Variants in NBN observed in about 807,000 individuals in gnomAD.
NBN encodes nibrin.
NBN carries 88 observed loss-of-function variants against 90.8 expected under a neutral mutation model. The ratio of observed to expected loss-of-function variants is 0.97; its 90% confidence interval spans 0.82 to 1.16. The LOEUF (loss-of-function observed/expected upper bound fraction) is 1.16. Among genes scored for constraint, NBN ranks in the 50% most tolerant of loss-of-function variants. The pLI is 0.00. For synonymous variants in NBN, 328 were observed against 295.1 expected (o/e 1.11, Z -1.14); for missense variants, 894 against 869.6 (o/e 1.03, Z -0.35).
intron 9 of NBN, among the ~76,000 whole-genome samples, chr8:89,956,927 T>C (rs1483714991): frequency 6.6e-6 from 1 of 152,206 alleles, no homozygotes; most frequent in African/African-American, 2.4e-5. Context: ...CTATTAAGTG[T>C]CTATGGTGAT....
At chr8:89,951,145 T>C (rs1810428441) in intron 11 of NBN, among the ~76,000 whole-genome samples, 1 of 151,936 alleles carries the variant, frequency 6.6e-6, no homozygotes, top group Non-Finnish European at 1.5e-5. Flanking sequence ...ACCCCATCTC[T>C]ACTATAAGTA....
At chr8:89,980,622 A>T in intron 4 of NBN, 112 bp downstream of exon 4, 1 of 876,950 alleles carries the variant, frequency 1.1e-6, no homozygotes, top group Non-Finnish European at 1.8e-6. Context: ...ATATAAATCT[A>T]CAACTAACAG....
chr8:89,954,208 C>T (rs1453478797), intron 10 of NBN, among the ~76,000 whole-genome samples: 2 of 152,144 alleles, frequency 1.3e-5, no homozygotes, highest in Non-Finnish European at 2.9e-5. Flanking sequence ...CTGTATCATT[C>T]ATTCAATAAA....
intron 8 of NBN, among the ~76,000 whole-genome samples, chr8:89,962,316 T>C (rs1811027471): frequency 6.6e-6 from 1 of 152,188 alleles, no homozygotes; most frequent in Non-Finnish European, 1.5e-5. Context: ...CCCAAATGGG[T>C]GCTGAGACAA....
intron 5 of NBN, among the ~76,000 whole-genome samples, chr8:89,972,418 GGCAGGACAGAAT>G (rs1811559807): frequency 6.6e-6 from 1 of 152,338 alleles, no homozygotes; most frequent in South Asian, 2.1e-4. Context: ...AGACTCACTT[GGCAGGACAGAAT>G]GCAGGCAACT....
chr8:89,938,047 T>G (rs1002052163), intron 14 of NBN, among the ~76,000 whole-genome samples: 1 of 152,194 alleles, frequency 6.6e-6, no homozygotes, highest in African/African-American at 2.4e-5. Flanking sequence ...TAGCAAAGGC[T>G]TCCTGATCCC....
rs1192241829 is a variant in NBN, at chr8:89,934,955, C to CT, written c.*626dup. The CT allele has an allele frequency of 1.7e-5, 4 of 232,694 alleles. No individual in the cohort carries two copies. Among genetic ancestry groups the CT allele is most frequent in the African/African-American group, 8.8e-5 (4 of 45,310 alleles). The allele number at this position is 232,694 out of a possible 1,614,324, so 14.4% of individuals were successfully genotyped here. ...ATGTTTGATGAAGTCTCCACATGGT[C>CT]TTCAGTTTCTAGTACTAGAATAACA... On this transcript the variant is annotated 3_prime_UTR_variant, in exon 16 of 16. Transcript: ENST00000265433.
chr8:89,944,504 C>T (rs1442178307), intron 13 of NBN, among the ~76,000 whole-genome samples: 1 of 152,168 alleles, frequency 6.6e-6, no homozygotes, highest in African/African-American at 2.4e-5. Context: ...CCTCTGCATT[C>T]TTCTGCAGTG....
In NBN at chr8:89,970,557, G is replaced by A. The variant is rs1554564044; in HGVS notation, c.703C>T (p.His235Tyr). Reference sequence around the variant, plus strand: ...ACAACTGCGGAACTCAATTTCTTATGCTAAAAATGGAAGGAAACATTTTTT... The same window carrying A: ...ACAACTGCGGAACTCAATTTCTTATACTAAAAATGGAAGGAAACATTTTTT... Reference protein sequence around the residue: ...KTFIFLNAKQHKKLSSAVVFG... With the variant: ...KTFIFLNAKQYKKLSSAVVFG... The change falls in exon 7 of 16, where the codon CAT (histidine) becomes TAT (tyrosine). Residue 235 changes from histidine to tyrosine, a missense_variant and splice_region_variant. His to Tyr is a moderately conservative substitution (Grantham distance 83). Coordinates refer to ENST00000265433, the MANE Select transcript of NBN (RefSeq NM_002485.5). 6.2e-7 allele frequency: 1 copy of A among 1,612,540 alleles called. No individual in the cohort carries two copies.
chr8:89,971,391 T>A, intron 5 of NBN, 101 bp from the exon 6 acceptor site: 3 of 1,321,348 alleles, frequency 2.3e-6, no homozygotes, highest in Non-Finnish European at 3.1e-6. Context: ...ATAATTTCCA[T>A]AATACCTTTA....
In NBN at chr8:89,970,463, G is replaced by A. The variant is rs769420; in HGVS notation, c.797C>T (p.Pro266Leu). ...TCCTGTATCAACAACACACGTTCCC[G>A]GAGCCAAAAAGAAATTATGTTCTTC... ...NEEEHNFFLAPGTCVVDTGIT... is the reference protein window; with the variant it reads ...NEEEHNFFLALGTCVVDTGIT... Residue 266 changes from proline (P) to leucine (L), a missense_variant, in exon 7 of 16, where the codon CCG becomes CTG. Coordinates refer to ENST00000265433, the MANE Select transcript of NBN (RefSeq NM_002485.5). The A allele has an allele frequency of 1.6e-3, 2,628 of 1,613,812 alleles. 41 individuals carry two copies. In the African/African-American group the frequency reaches 0.032, roughly 19 times the overall value.
intron 2 of NBN, chr8:89,981,952 CAGTA>C (rs1162166710): frequency 5.9e-6 from 7 of 1,181,182 alleles, no homozygotes; most frequent in African/African-American, 1.6e-5. Flanking sequence ...TTCTGACTTA[CAGTA>C]ACAATTTTAC....
chr8:89,975,046 A>C (rs187581694), intron 5 of NBN, among the ~76,000 whole-genome samples: 12 of 152,244 alleles, frequency 7.9e-5, no homozygotes, highest in Admixed American at 2.6e-4. Flanking sequence ...AATCTCCTCT[A>C]TTAGAGCACA....
At chr8:89,964,218 C>A (rs1298298075) in intron 8 of NBN, among the ~76,000 whole-genome samples, 192 bp downstream of exon 8, 2 of 152,116 alleles carry the variant, frequency 1.3e-5, no homozygotes, top group African/African-American at 4.8e-5. Flanking sequence ...ATTTTATTTA[C>A]CACTTCATAA....
At chr8:89,951,482 A>G (rs1380680099) in intron 11 of NBN, among the ~76,000 whole-genome samples, 1 of 152,200 alleles carries the variant, frequency 6.6e-6, no homozygotes, top group Non-Finnish European at 1.5e-5. Context: ...CTTACATGTA[A>G]TATTAAGTAA....
In NBN at chr8:89,980,753, G is replaced by A. The variant is rs1586106651; in HGVS notation, c.461C>T (p.Ser154Leu). 1 of 1,612,744 alleles carries A rather than the reference G, an allele frequency of 6.2e-7. No homozygotes were observed. Among genetic ancestry groups the A allele is most frequent in the Non-Finnish European group, 8.5e-7 (1 of 1,179,036 alleles). ...ACCTACTTTAATGGTAACTTTCACT[G>A]ATACCATGACAAGGTGAGTGCATTC... ...TEECTHLVMV[S>L]VKVTIKTICA... The change falls in exon 4 of 16, where the codon TCA becomes TTA. Residue 154 changes from serine to leucine, a missense_variant. Ser to Leu is a moderately radical substitution (Grantham distance 145). Coordinates refer to ENST00000265433, the MANE Select transcript of NBN (RefSeq NM_002485.5).
intron 14 of NBN, among the ~76,000 whole-genome samples, chr8:89,941,244 T>C (rs1186298821): frequency 6.6e-6 from 1 of 152,066 alleles, no homozygotes; most frequent in Non-Finnish European, 1.5e-5. Context: ...GAAAAACTAA[T>C]GGAGAATGAT....
In NBN at chr8:89,981,502, C is replaced by T. The variant is rs778998026; in HGVS notation, c.193G>A (p.Val65Ile). The T allele has an allele frequency of 1.1e-5, 18 of 1,612,936 alleles. No homozygotes were observed. The South Asian group carries it at 2.0e-4, about 18-fold the overall frequency. The stretch of plus-strand genomic sequence containing the variant: ...TTAGAATTATCTTTTAATGTCAATA[C>T]AGGGATTTCATCTGTTTGACTCTGA... ...TNLSQTDEIP[V>I]LTLKDNSKYG... The change falls in exon 3 of 16, where the codon GTA becomes ATA. Residue 65 changes from valine to isoleucine, a missense_variant. By Grantham distance (29) the Val-to-Ile change is conservative. Transcript: ENST00000265433.
intron 8 of NBN, among the ~76,000 whole-genome samples, chr8:89,961,815 T>C (rs1347327349): frequency 6.6e-6 from 1 of 152,124 alleles, no homozygotes; most frequent in South Asian, 2.1e-4. Context: ...AATAGTGGCA[T>C]AGTGAAATAT....
Sources: gnomAD v4.1 joint callset for allele counts (sites outside exome capture counted in the v4.1 genomes callset) on GRCh38, gnomAD v4.1.1 for gene constraint, MANE v1.5 for transcripts, NCBI Gene and HGNC (gene_info 2026-07-23, HGNC 2026-07-21) for gene names.